MTA3: variants seen among roughly 807,000 people sequenced by gnomAD.
MTA3 encodes the protein metastasis associated 1 family member 3.
MTA3 carries 34 observed loss-of-function variants against 83.5 expected under a neutral mutation model. The ratio of observed to expected loss-of-function variants is 0.41; its 90% CI spans 0.31 to 0.54. The LOEUF is 0.54. MTA3 is among the 20% of genes least tolerant of loss of function. The pLI, the probability that MTA3 is intolerant of heterozygous loss-of-function variation, is 0.33. For synonymous variants in MTA3, 303 were observed against 252.7 expected, an observed-to-expected ratio of 1.20 and a Z score of -1.89; for missense variants, 761 against 726.4, an observed-to-expected ratio of 1.05 and a Z score of -0.55.
At chr2:42,746,763 C>T (rs748722570) in intron 16 of MTA3, among the ~76,000 whole-genome samples, 4 of 152,234 alleles carry the variant, frequency 2.6e-5, no homozygotes, top group Non-Finnish European at 5.9e-5. Context: ...TAGGGCGAGG[C>T]ATGTGAGAAG....
At chr2:42,601,152 G>A (rs912213217) in intron 3 of MTA3, among the ~76,000 whole-genome samples, 5 of 152,084 alleles carry the variant, frequency 3.3e-5, no homozygotes, top group African/African-American at 1.2e-4. Flanking sequence ...CGATCTACCC[G>A]CCTTGGCCTC....
intron 3 of MTA3, among the ~76,000 whole-genome samples, chr2:42,588,937 T>C (rs1483309739): frequency 2.6e-5 from 4 of 152,254 alleles, no homozygotes; most frequent in Middle Eastern, 3.4e-3. Flanking sequence ...GGAGGCTGTC[T>C]GTTAGGTGGA....
chr2:42,576,846 G>C (rs530454021), intron 2 of MTA3, among the ~76,000 whole-genome samples: 1 of 152,224 alleles, frequency 6.6e-6, no homozygotes, highest in East Asian at 1.9e-4. Flanking sequence ...GCAGTGAGCT[G>C]AGATCGTGCC....
At chr2:42,732,266 T>C (rs1307194441) in intron 16 of MTA3, among the ~76,000 whole-genome samples, 1 of 152,152 alleles carries the variant, frequency 6.6e-6, no homozygotes, top group Non-Finnish European at 1.5e-5. Flanking sequence ...CCATACATCT[T>C]CTGAAATCTA....
chr2:42,743,453 T>C (rs958608981), intron 16 of MTA3, among the ~76,000 whole-genome samples: 3 of 152,136 alleles, frequency 2.0e-5, no homozygotes, highest in South Asian at 2.1e-4. Flanking sequence ...AGAAGAGAGA[T>C]GAGTTTTCAG....
At position 42,727,232 on chromosome 2, in the gene MTA3, A is replaced by G. The variant is rs532034983; in HGVS notation, c.1759+4197A>G. Among the ~76,000 whole-genome samples the G allele has an allele frequency of 2.0e-5, 3 of 152,296 alleles. No homozygotes were observed. In the East Asian group the frequency reaches 5.8e-4, roughly 29 times the overall value. ...AAGAAAGAAAGAAAGAAATCTGCAT[A>G]CGCAAGAAGCCTCAGTACTCAGTGC... On this transcript the variant is annotated intron_variant, in intron 16 of 16. Transcript: ENST00000405094.
At position 42,550,375 on chromosome 2, in the gene MTA3, C is replaced by G. The variant is rs561173701; in HGVS notation, c.-140-20062C>G. On this transcript the variant is annotated intron_variant, in intron 2 of 17. Coordinates refer to the MTA3 transcript ENST00000405592. ...TCAGTACTATCCTTGGTTTCAGCAT[C>G]CACTGGGGGTCTTGGAAAGCATCTC... Among the ~76,000 whole-genome samples, 119 of 152,266 alleles carry G rather than the reference C, an allele frequency of 7.8e-4. 2 individuals are homozygous for G. Among genetic ancestry groups the G allele is most frequent in the African/African-American group, 2.7e-3 (113 of 41,556 alleles).
chr2:42,534,422 C>G (rs6544559), intron 2 of MTA3, among the ~76,000 whole-genome samples: 51,810 of 151,908 alleles, frequency 0.34, 8,893 homozygotes, highest in South Asian at 0.41. Flanking sequence ...ACGGCAAAAC[C>G]CCGTCTCTAC....
intron 9 of MTA3, among the ~76,000 whole-genome samples, chr2:42,692,973 G>T (rs1005080111): frequency 2.6e-5 from 4 of 152,176 alleles, no homozygotes; most frequent in African/African-American, 9.7e-5. Flanking sequence ...TATCACTGTG[G>T]TTTTTGCAGA....
At chr2:42,650,541 G>A (rs1688622737) in intron 6 of MTA3, among the ~76,000 whole-genome samples, 1 of 151,972 alleles carries the variant, frequency 6.6e-6, no homozygotes, top group Admixed American at 6.6e-5. Flanking sequence ...CCGGGTTCAC[G>A]CCATTTTCCT....
chr2:42,523,440 A>C (rs1675520262), intron 2 of MTA3, among the ~76,000 whole-genome samples: 1 of 152,150 alleles, frequency 6.6e-6, no homozygotes, highest in East Asian at 1.9e-4. Flanking sequence ...TGAATAAGGC[A>C]ACGATCCAGC....
chr2:42,628,549 G>A (rs1469874430), intron 4 of MTA3, among the ~76,000 whole-genome samples: 1 of 152,100 alleles, frequency 6.6e-6, no homozygotes, highest in Admixed American at 6.6e-5. Context: ...TTATTTAAAA[G>A]GCATCTCAGA....
At chr2:42,662,658 T>C (rs186618053) in intron 8 of MTA3, among the ~76,000 whole-genome samples, 1 of 152,106 alleles carries the variant, frequency 6.6e-6, no homozygotes, top group African/African-American at 2.4e-5. Context: ...CTAAGTCTTA[T>C]GTGAACTTTC....
At chr2:42,704,394 C>T (rs1023778942) in intron 12 of MTA3, 76 bp downstream of exon 12, 1 of 1,581,116 alleles carries the variant, frequency 6.3e-7, no homozygotes, top group East Asian at 2.3e-5. Context: ...TGGGAAGTGC[C>T]TGAGGTCAGT....
chr2:42,524,960 T>G (rs1428253826), intron 2 of MTA3, among the ~76,000 whole-genome samples: 1 of 148,638 alleles, frequency 6.7e-6, no homozygotes, highest in Non-Finnish European at 1.5e-5. Flanking sequence ...TGGGTCTCTT[T>G]TTTTTTTTTT....
At chr2:42,632,671 T>C (rs1686797496) in intron 4 of MTA3, among the ~76,000 whole-genome samples, 1 of 152,208 alleles carries the variant, frequency 6.6e-6, no homozygotes, top group African/African-American at 2.4e-5. Context: ...GTCTTTGCTA[T>C]GCTCCACATC....
chr2:42,634,183 C>T (rs946110970), intron 4 of MTA3, among the ~76,000 whole-genome samples: 4 of 152,074 alleles, frequency 2.6e-5, no homozygotes, highest in Admixed American at 1.3e-4. Flanking sequence ...ACCAGTGGTG[C>T]CGAGGTTGAG....
chr2:42,665,971 C>G (rs116114132), intron 8 of MTA3, among the ~76,000 whole-genome samples: 1 of 152,142 alleles, frequency 6.6e-6, no homozygotes, highest in Non-Finnish European at 1.5e-5. Context: ...TATGTTATAT[C>G]TGATCTTTTA....
At chr2:42,706,746 C>G (rs926411851) in intron 12 of MTA3, among the ~76,000 whole-genome samples, 1 of 152,172 alleles carries the variant, frequency 6.6e-6, no homozygotes, top group African/African-American at 2.4e-5. Context: ...AAAACTAACA[C>G]AAGCTTACAG....
Sources: allele counts gnomAD v4.1 joint callset (sites outside exome capture counted in the v4.1 genomes callset), GRCh38; gene constraint gnomAD v4.1.1; transcripts MANE v1.5; gene names NCBI Gene and HGNC (gene_info 2026-07-23, HGNC 2026-07-21).